Variants in TENT5B observed in about 807,000 individuals in gnomAD.
The protein encoded by TENT5B is terminal nucleotidyltransferase 5B.
In TENT5B, 12 loss-of-function variants were observed where a neutral mutation model predicts 21.7. That is an observed-to-expected ratio of 0.55 (90% CI 0.36 to 0.90). The LOEUF (loss-of-function observed/expected upper bound fraction) is 0.90, where lower values mean the gene tolerates loss of function less well. Ranked by LOEUF, TENT5B falls within the 40% of genes least tolerant of loss-of-function variation. The pLI, the probability that TENT5B is intolerant of heterozygous loss-of-function variation, is 0.01. For synonymous variants in TENT5B, 262 were observed against 266.6 expected, an observed-to-expected ratio of 0.98 and a Z score of 0.17; for missense variants, 540 against 601.5, an observed-to-expected ratio of 0.90 and a Z score of 1.07.
chr1:27,012,127 C>G (rs773873626), intron 1 of TENT5B, among the ~76,000 whole-genome samples: 1 of 152,160 alleles, frequency 6.6e-6, no homozygotes, highest in Admixed American at 6.5e-5. Flanking sequence ...CCCCAATGCC[C>G]TTGACATCCT....
In TENT5B at chr1:27,012,788, A is replaced by G. The variant is rs2082631128; in HGVS notation, c.-118T>C. The G allele has an allele frequency of 1.6e-6, 2 of 1,247,500 alleles. No homozygotes were observed. Among genetic ancestry groups the G allele is most frequent in the Non-Finnish European group, 2.1e-6 (2 of 958,784 alleles). 77.3% of individuals were successfully genotyped at this position (1,247,500 alleles called of 1,614,324 possible). On this transcript the variant is annotated 5_prime_UTR_variant, in exon 1 of 2. Transcript: ENST00000289166. ...GGCACGAAGGCAGGGACGGGGCGGC[A>G]ACGACGGCGAGACAAAGCCAGGGAA...
At position 27,012,437 on chromosome 1, in the gene TENT5B, C is replaced by T. The variant is rs539335606; in HGVS notation, c.234G>A (p.Thr78=). The change falls in exon 1 of 2, where the codon ACG becomes ACA. Residue 78 remains threonine, a synonymous_variant. Transcript: ENST00000289166. The stretch of plus-strand genomic sequence containing the variant: ...CGATCTGCCGGGGCTGCACGCTCAG[C>T]GTGGGGAAGTTGCCGCGCCCGTGAA... ...IPIHGRGNFP[T]LSVQPRQIVQ... is the part of the protein sequence containing the mutation. The T allele has an allele frequency of 1.9e-6, 3 of 1,613,066 alleles. No homozygotes were observed. Among genetic ancestry groups the T allele is most frequent in the East Asian group, 2.2e-5 (1 of 44,858 alleles).
At position 27,012,691 on chromosome 1, in the gene TENT5B, G is replaced by A. The variant is rs758965437; in HGVS notation, c.-21C>T. 2.1e-6 allele frequency: 3 copies of A among 1,451,906 alleles called. No homozygotes were observed. The highest frequency in any genetic ancestry group is 2.7e-6 in the Non-Finnish European group (3 of 1,117,008). 89.9% of individuals were successfully genotyped at this position (1,451,906 alleles called of 1,614,324 possible). On this transcript the variant is annotated 5_prime_UTR_variant, in exon 1 of 2. Coordinates refer to ENST00000289166, the MANE Select transcript of TENT5B (RefSeq NM_052943.4). ...ATCATCCGCCCGGCCCCCGGGCCCC[G>A]ACGGCAGAAACCGTGGGGGTGGTTA... is the stretch of plus-strand genomic sequence containing the variant.
rs58360969 is a variant in TENT5B, at chr1:27,008,977, CTTTTTTTTTTTT to C, written c.265-2032_265-2021del. Among the ~76,000 whole-genome samples the C allele has an allele frequency of 2.2e-3, 69 of 31,012 alleles. 1 individual carries two copies. The highest frequency in any genetic ancestry group is 6.1e-3 in the Admixed American group (10 of 1,636). The allele number at this position is 31,012 out of a possible 152,430, so 20.3% of individuals were successfully genotyped here. On this transcript the variant is annotated intron_variant, in intron 1 of 1. Transcript: ENST00000289166. ...CTCTACCTTCCTTTCCTCCATCCTT[CTTTTTTTTTTTT>C]TTTTTTTTTTTTTTTTTTTGAGAGA...
chr1:27,006,258 T>C lies in TENT5B; in HGVS notation c.964A>G (p.Thr322Ala), dbSNP rs753035043. 4 of 1,612,348 alleles carry C rather than the reference T, an allele frequency of 2.5e-6. No homozygotes were observed. In the South Asian group the frequency reaches 3.3e-5, roughly 13 times the overall value. The change falls in exon 2 of 2, where the codon ACC (threonine) becomes GCC (alanine). Residue 322 changes from threonine (T) to alanine (A), a missense_variant. By Grantham distance (58) the Thr-to-Ala change is moderately conservative. Transcript: ENST00000289166. The surrounding 1 kb of genome is among the most constrained non-coding windows in gnomAD (Gnocchi z 9.4). The stretch of plus-strand genomic sequence containing the variant: ...TGGGCCTCCAGGTAGCGCTCTAGGG[T>C]GCGCCGCTGCTCCACCAGGTCTGGA... ...DFPDLVEQRRTLERYLEAHFG... is the reference protein window; with the variant it reads ...DFPDLVEQRRALERYLEAHFG...
chr1:27,005,861 T>C lies in TENT5B; in HGVS notation c.*83A>G. 1 of 1,492,600 alleles carries C rather than the reference T, an allele frequency of 6.7e-7. No individual in the cohort carries two copies. The highest frequency in any genetic ancestry group is 9.0e-7 in the Non-Finnish European group (1 of 1,117,098). The allele number at this position is 1,492,600 out of a possible 1,614,324, so 92.5% of individuals were successfully genotyped here. A position where few individuals can be genotyped will look rare whatever the true frequency, so the allele number is the denominator to read the frequency against. ...TGGGCCTCCTGGCACATTCTGCGCCTCTGGTCATGTCCTCCACACACTCTT... is the reference window on the plus strand; with the variant it reads ...TGGGCCTCCTGGCACATTCTGCGCCCCTGGTCATGTCCTCCACACACTCTT... On this transcript the variant is annotated 3_prime_UTR_variant, in exon 2 of 2. Transcript: ENST00000289166.
Position 27,012,653 on chromosome 1 carries a change from G to T in TENT5B, c.18C>A (p.Ser6Arg). MMPSE[S>R]GAERRDRAAA... is the part of the protein sequence containing the mutation. ...CCGCCCGGTCCCTGCGCTCAGCTCC[G>T]CTCTCCGACGGCATCATCCGCCCGG... Residue 6 changes from serine to arginine, a missense_variant, in exon 1 of 2, where the codon AGC becomes AGA. Transcript: ENST00000289166. The T allele has an allele frequency of 6.8e-7, 1 of 1,474,782 alleles. No individual in the cohort carries two copies. The highest frequency in any genetic ancestry group is 8.9e-7 in the Non-Finnish European group (1 of 1,125,706). The allele number at this position is 1,474,782 out of a possible 1,614,324, so 91.4% of individuals were successfully genotyped here.
intron 1 of TENT5B, among the ~76,000 whole-genome samples, chr1:27,010,106 G>C (rs971218685): frequency 6.6e-6 from 1 of 152,230 alleles, no homozygotes; most frequent in South Asian, 2.1e-4. Context: ...GCCTGATGCA[G>C]GCCCTCTGGC....
At position 27,012,459 on chromosome 1, in the gene TENT5B, T is replaced by C; in HGVS notation, c.212A>G (p.His71Arg). The change falls in exon 1 of 2, where the codon CAC becomes CGC. Residue 71 changes from histidine to arginine, a missense_variant. Physicochemically the swap from His to Arg is conservative, Grantham distance 29. Coordinates refer to ENST00000289166, the MANE Select transcript of TENT5B (RefSeq NM_052943.4). ...DALLSEPIPI[H>R]GRGNFPTLSV... ...CAGCGTGGGGAAGTTGCCGCGCCCG[T>C]GAATGGGAATCGGCTCGCTCAGAAG... is the stretch of plus-strand genomic sequence containing the variant. 6.2e-7 allele frequency: 1 copy of C among 1,613,196 alleles called. No individual in the cohort carries two copies. Among genetic ancestry groups the C allele is most frequent in the Non-Finnish European group, 8.5e-7 (1 of 1,179,900 alleles).
In TENT5B at chr1:27,006,594, G is replaced by A. The variant is rs370231536; in HGVS notation, c.628C>T (p.Arg210Cys). 2.2e-5 allele frequency: 36 copies of A among 1,614,010 alleles called. No individual in the cohort carries two copies. Among genetic ancestry groups the A allele is most frequent in the Non-Finnish European group, 2.7e-5 (32 of 1,180,040 alleles). ...VELKFVDSVRRQFEFSIDSFQ... is the reference protein window; with the variant it reads ...VELKFVDSVRCQFEFSIDSFQ... ...GAGTCTATGCTGAATTCAAACTGGC[G>A]TCTCACCGAGTCCACAAACTTGAGC... The change falls in exon 2 of 2, where the codon CGC becomes TGC. Residue 210 changes from arginine (R) to cysteine (C), a missense_variant. Coordinates refer to ENST00000289166, the MANE Select transcript of TENT5B (RefSeq NM_052943.4). The surrounding 1 kb of genome is among the most constrained non-coding windows in gnomAD (Gnocchi z 9.4).
At position 27,006,105 on chromosome 1, in the gene TENT5B, C is replaced by T. The variant is rs2082596694; in HGVS notation, c.1117G>A (p.Ala373Thr). 3 of 1,609,398 alleles carry T rather than the reference C, an allele frequency of 1.9e-6. No individual in the cohort carries two copies. Among genetic ancestry groups the T allele is most frequent in the Non-Finnish European group, 2.5e-6 (3 of 1,177,314 alleles). The change falls in exon 2 of 2, where the codon GCG becomes ACG. Residue 373 changes from alanine (A) to threonine (T), a missense_variant. Physicochemically the swap from Ala to Thr is moderately conservative, Grantham distance 58. Transcript: ENST00000289166. This position sits in a 1 kb window ranked among gnomAD's most constrained non-coding sequence, Gnocchi z 9.4. ...CCCTGCTCAGCCAGTGCCTGCAGCG[C>T]CAGTGCGGCAATGAGGTCCAGCGTC... Reference protein sequence around the residue: ...RQTLDLIAALALQALAEQGPA... With the variant: ...RQTLDLIAALTLQALAEQGPA...
Position 27,006,880 on chromosome 1 carries a change from C to T in TENT5B, c.342G>A (p.Val114=), listed in dbSNP as rs2082602608. 1 of 1,613,780 alleles carries T rather than the reference C, an allele frequency of 6.2e-7. No homozygotes were observed. Among genetic ancestry groups the T allele is most frequent in the East Asian group, 2.2e-5 (1 of 44,884 alleles). The change falls in exon 2 of 2, where the codon GTG becomes GTA. Residue 114 remains valine (V), a synonymous_variant. Coordinates refer to ENST00000289166, the MANE Select transcript of TENT5B (RefSeq NM_052943.4). This position sits in a 1 kb window ranked among gnomAD's most constrained non-coding sequence, Gnocchi z 9.4. The part of the protein sequence containing the change: ...VRLHGSAASH[V]LHPESGLGYK... Reference sequence around the variant, plus strand: ...AGCCCAGGCCACTCTCAGGGTGCAGCACGTGGCTGGCAGCTGAACCATGCA... The same window carrying T: ...AGCCCAGGCCACTCTCAGGGTGCAGTACGTGGCTGGCAGCTGAACCATGCA...
chr1:27,011,276 C>T (rs999518426), intron 1 of TENT5B, among the ~76,000 whole-genome samples: 4 of 152,200 alleles, frequency 2.6e-5, no homozygotes, highest in Non-Finnish European at 5.9e-5. Flanking sequence ...AACCCTCCCC[C>T]TCTGTGGGAA....
intron 1 of TENT5B, among the ~76,000 whole-genome samples, chr1:27,012,020 A>G (rs1017923343): frequency 1.1e-4 from 16 of 152,146 alleles, no homozygotes; most frequent in African/African-American, 3.9e-4. Context: ...GGATGCCCAG[A>G]TAGGGAAGGA....
chr1:27,012,094 T>C (rs923784328), intron 1 of TENT5B, among the ~76,000 whole-genome samples: 3 of 152,154 alleles, frequency 2.0e-5, no homozygotes, highest in Non-Finnish European at 2.9e-5. Context: ...TCTTTTGTCC[T>C]TGCAGGCAGA....
chr1:27,011,979 C>T (rs987813328), intron 1 of TENT5B, among the ~76,000 whole-genome samples: 3 of 152,070 alleles, frequency 2.0e-5, no homozygotes, highest in Non-Finnish European at 4.4e-5. Flanking sequence ...GCTCCTAGAA[C>T]CTCGAGAGAG....
At chr1:27,010,980 T>TG (rs2082621245) in intron 1 of TENT5B, among the ~76,000 whole-genome samples, 1 of 152,050 alleles carries the variant, frequency 6.6e-6, no homozygotes, top group Non-Finnish European at 1.5e-5. Flanking sequence ...GGGTATCCCT[T>TG]GTTCTTGCAG....
chr1:27,008,784 TAGAG>T (rs1570783247), intron 1 of TENT5B, among the ~76,000 whole-genome samples: 1 of 151,636 alleles, frequency 6.6e-6, no homozygotes, highest in East Asian at 1.9e-4. Context: ...GTATTTTTAG[TAGAG>T]AGAGGGTTTC....
At chr1:27,011,137 A>T (rs2082621807) in intron 1 of TENT5B, among the ~76,000 whole-genome samples, 1 of 152,148 alleles carries the variant, frequency 6.6e-6, no homozygotes, top group Non-Finnish European at 1.5e-5. Context: ...CCCAGGTGAC[A>T]GCGAGCAGCC....
Sources: gnomAD v4.1 joint callset for allele counts (sites outside exome capture counted in the v4.1 genomes callset) on GRCh38, gnomAD v4.1.1 for gene constraint, Gnocchi (gnomAD v3.1) non-coding constraint, MANE v1.5 for transcripts, NCBI Gene and HGNC (gene_info 2026-07-23, HGNC 2026-07-21) for gene names.